RASAL2: variants seen among roughly 807,000 people sequenced by gnomAD.
The protein encoded by RASAL2 is ras GTPase-activating protein nGAP.
Under a neutral mutation model 128.9 loss-of-function variants are expected in RASAL2, and 58 were observed. The ratio of observed to expected loss-of-function variants is 0.45; its 90% confidence interval spans 0.36 to 0.56. The LOEUF (loss-of-function observed/expected upper bound fraction) is 0.56, where lower values mean the gene tolerates loss of function less well. Among genes scored for constraint, RASAL2 ranks in the 20% least tolerant of loss-of-function variants. RASAL2 has a pLI of 0.00. For synonymous variants in RASAL2, 561 were observed against 580.8 expected, an observed-to-expected ratio of 0.97 and a Z score of 0.49; for missense variants, 1,360 against 1,601.6, an observed-to-expected ratio of 0.85 and a Z score of 2.57.
intron 3 of RASAL2, among the ~76,000 whole-genome samples, chr1:178,328,026 A>T (rs908494129): frequency 1.3e-5 from 2 of 152,128 alleles, no homozygotes; most frequent in Admixed American, 6.5e-5. Flanking sequence ...GGCTCTGCCT[A>T]TGCCTTGATT....
In RASAL2 at chr1:178,379,139, A is replaced by G. The variant is rs373212065; in HGVS notation, c.458-10961A>G. Among the ~76,000 whole-genome samples, 11 of 152,344 alleles carry G rather than the reference A, an allele frequency of 7.2e-5. No homozygotes were observed. The East Asian group carries it at 2.1e-3, about 29-fold the overall frequency. On this transcript the variant is annotated intron_variant, in intron 3 of 17. Transcript: ENST00000367649. ...TTTGATAATATATTTGGAAATTTAG[A>G]CAAGTGGACATTTTAAGAAAAATGT...
At chr1:178,242,109 C>T (rs555549319) in intron 1 of RASAL2, among the ~76,000 whole-genome samples, 10 of 152,246 alleles carry the variant, frequency 6.6e-5, no homozygotes, top group African/African-American at 2.2e-4. Flanking sequence ...TCATATGTGA[C>T]ATCACAGTTT....
At chr1:178,104,430 A>AT (rs1276226638) in intron 1 of RASAL2, among the ~76,000 whole-genome samples, 2 of 152,112 alleles carry the variant, frequency 1.3e-5, no homozygotes, top group Non-Finnish European at 2.9e-5. Context: ...CCATTATTCT[A>AT]TTTTAGATGT....
chr1:178,293,909 A>AGC (rs1356223841), intron 2 of RASAL2, among the ~76,000 whole-genome samples: 5 of 152,216 alleles, frequency 3.3e-5, no homozygotes, highest in Non-Finnish European at 5.9e-5. Flanking sequence ...GGGAAATGCA[A>AGC]AGCCTGTCCT....
At chr1:178,297,816 A>G (rs1667585240) in intron 2 of RASAL2, among the ~76,000 whole-genome samples, 1 of 152,108 alleles carries the variant, frequency 6.6e-6, no homozygotes, top group Non-Finnish European at 1.5e-5. Flanking sequence ...TTTTAGGCCC[A>G]AATAAAAAAT....
chr1:178,378,676 C>G (rs895112235), intron 3 of RASAL2, among the ~76,000 whole-genome samples: 1 of 151,912 alleles, frequency 6.6e-6, no homozygotes, highest in Non-Finnish European at 1.5e-5. Context: ...AAGTTACTTG[C>G]AAATAACTTG....
chr1:178,363,945 A>C lies in RASAL2; in HGVS notation c.458-26155A>C, dbSNP rs763361134. ...CCCCATCTCTACTAAAAATACAAAA[A>C]ATTAGCGGGGCCAGGTGGCAGGCAC... On this transcript the variant is annotated intron_variant, in intron 3 of 17. Coordinates refer to ENST00000367649, the MANE Select transcript of RASAL2 (RefSeq NM_170692.4). Among the ~76,000 whole-genome samples, 60 of 152,084 alleles carry C rather than the reference A, an allele frequency of 3.9e-4. 1 individual carries two copies. The highest frequency in any genetic ancestry group is 1.2e-3 in the Admixed American group (18 of 15,276).
At position 178,191,247 on chromosome 1, in the gene RASAL2, G is replaced by A. The variant is rs531769315; in HGVS notation, c.203-92317G>A. Among the ~76,000 whole-genome samples, 9 of 152,040 alleles carry A rather than the reference G, an allele frequency of 5.9e-5. No homozygotes were observed. In the South Asian group the frequency reaches 8.3e-4, roughly 14 times the overall value. ...TTTAGAGTTACAGGCAGAATTAGAC[G>A]CAGTTAATAATAGCACTTCTCAAAC... On this transcript the variant is annotated intron_variant, in intron 1 of 17. Coordinates refer to ENST00000367649, the MANE Select transcript of RASAL2 (RefSeq NM_170692.4).
chr1:178,452,662 A>G lies in RASAL2; in HGVS notation c.2009+10A>G, dbSNP rs1307001789. ...TGGCCAACTTTGCCAAGTAGGTGAT[A>G]CTGTTGTAACCACTTTAAAAACACA... On this transcript the variant is annotated intron_variant, in intron 11 of 17. Transcript: ENST00000367649. 2 of 1,590,180 alleles carry G rather than the reference A, an allele frequency of 1.3e-6. No homozygotes were observed. The highest frequency in any genetic ancestry group is 1.7e-5 in the Admixed American group (1 of 59,980).
chr1:178,133,727 T>TC (rs1660207476), intron 1 of RASAL2, among the ~76,000 whole-genome samples: 1 of 152,076 alleles, frequency 6.6e-6, no homozygotes, highest in Non-Finnish European at 1.5e-5. Flanking sequence ...GTAGAGGGAA[T>TC]CCCCCTGAGG....
chr1:178,255,443 G>C (rs953496551), intron 1 of RASAL2, among the ~76,000 whole-genome samples: 3 of 152,048 alleles, frequency 2.0e-5, no homozygotes, highest in African/African-American at 7.2e-5. Context: ...ACGCACGAAA[G>C]ACATGGGTGG....
At chr1:178,443,898 G>A (rs1389161205) in intron 8 of RASAL2, among the ~76,000 whole-genome samples, 2 of 152,130 alleles carry the variant, frequency 1.3e-5, no homozygotes, top group Non-Finnish European at 2.9e-5. Flanking sequence ...TATACTGTAT[G>A]CAAACTGGTC....
chr1:178,099,188 G>T (rs571548725), intron 1 of RASAL2, among the ~76,000 whole-genome samples: 39 of 152,158 alleles, frequency 2.6e-4, no homozygotes, highest in Non-Finnish European at 5.0e-4. Context: ...TTCCTTAAAT[G>T]TCTTAATTTC....
At chr1:178,236,337 C>T (rs901915542) in intron 1 of RASAL2, among the ~76,000 whole-genome samples, 2 of 152,048 alleles carry the variant, frequency 1.3e-5, no homozygotes, top group African/African-American at 2.4e-5. Flanking sequence ...CTGTAATAAC[C>T]ATGTACCTGT....
At chr1:178,158,701 C>A (rs1661170550) in intron 1 of RASAL2, among the ~76,000 whole-genome samples, 2 of 152,140 alleles carry the variant, frequency 1.3e-5, no homozygotes, top group South Asian at 4.1e-4. Context: ...ATATTAGAAG[C>A]ACCTATTATT....
chr1:178,126,141 A>G (rs1430569240), intron 1 of RASAL2, among the ~76,000 whole-genome samples: 1 of 152,204 alleles, frequency 6.6e-6, no homozygotes, highest in Admixed American at 6.5e-5. Context: ...ATCTTGGACA[A>G]GGTCACAAAG....
chr1:178,277,147 CAAAAAAAAAA>C (rs61384367), intron 1 of RASAL2, among the ~76,000 whole-genome samples: 2 of 55,146 alleles, frequency 3.6e-5, no homozygotes, highest in African/African-American at 6.9e-5. Context: ...GATTCCCTCT[CAAAAAAAAAA>C]AAAAAAAAAA....
intron 1 of RASAL2, among the ~76,000 whole-genome samples, chr1:178,164,804 C>T (rs934299730): frequency 5.3e-5 from 7 of 132,850 alleles, no homozygotes; most frequent in African/African-American, 8.6e-5. Flanking sequence ...TTAGAACATA[C>T]GCTTTGTTCA....
chr1:178,361,705 G>C (rs1335600053), intron 3 of RASAL2, among the ~76,000 whole-genome samples: 1 of 152,024 alleles, frequency 6.6e-6, no homozygotes, highest in African/African-American at 2.4e-5. Context: ...GAGGGAGTCG[G>C]GGGTGGGGGT....
Sources: gnomAD v4.1 joint callset for allele counts (sites outside exome capture counted in the v4.1 genomes callset) on GRCh38, gnomAD v4.1.1 for gene constraint, MANE v1.5 for transcripts, NCBI Gene and HGNC (gene_info 2026-07-23, HGNC 2026-07-21) for gene names.